The following BAG6 variants were observed in gnomAD, a reference collection of about 807,000 sequenced individuals.
BAG6 encodes the protein BAG cochaperone 6, also known as large proline-rich protein BAG6.
BAG6 carries 22 observed loss-of-function variants against 121.0 expected under a neutral mutation model. That is an observed-to-expected ratio of 0.18 (90% CI 0.13 to 0.26). The LOEUF (loss-of-function observed/expected upper bound fraction) is 0.26, where lower values mean the gene tolerates loss of function less well. Among genes scored for constraint, BAG6 ranks in the 10% least tolerant of loss-of-function variants. BAG6 has a pLI of 1.00. For missense variants in BAG6, 1,233 were observed against 1,537.7 expected, an observed-to-expected ratio of 0.80 and a Z score of 3.31; for synonymous variants, 583 against 584.6, an observed-to-expected ratio of 1.00 and a Z score of 0.04.
chr6:31,645,214 G>A lies in BAG6; in HGVS notation c.1117-16C>T, dbSNP rs774417499. On this transcript the variant is annotated splice_polypyrimidine_tract_variant and intron_variant, in intron 9 of 25. Coordinates refer to ENST00000676615, the MANE Select transcript of BAG6 (RefSeq NM_001387994.1). Reference sequence around the variant, plus strand: ...CCACATTGATCTGAAAAAGACAGATGGACAGGCAGATGTGAGAAAAATACA... The same window carrying A: ...CCACATTGATCTGAAAAAGACAGATAGACAGGCAGATGTGAGAAAAATACA... 2.5e-6 allele frequency: 4 copies of A among 1,604,164 alleles called. No homozygotes were observed. The highest frequency in any genetic ancestry group is 3.4e-6 in the Non-Finnish European group (4 of 1,175,732).
At position 31,649,490 on chromosome 6, in the gene BAG6, T is replaced by C; in HGVS notation, c.226+20A>G. On this transcript the variant is annotated intron_variant, in intron 3 of 25. Coordinates refer to ENST00000676615, the MANE Select transcript of BAG6 (RefSeq NM_001387994.1). ...CAGACAGTAGCCCCAACCTCTGAAC[T>C]GCCTCCCCAGCCCCCTTACTGTATT... The C allele has an allele frequency of 6.2e-7, 1 of 1,613,636 alleles. No individual in the cohort carries two copies. The highest frequency in any genetic ancestry group is 8.5e-7 in the Non-Finnish European group (1 of 1,179,510).
At chr6:31,647,534 T>C in intron 7 of BAG6, 57 bp downstream of exon 7, 1 of 1,596,652 alleles carries the variant, frequency 6.3e-7, no homozygotes, top group Non-Finnish European at 8.5e-7. Context: ...TTCATTTCCT[T>C]CTCCCCATAC....
Position 31,641,590 on chromosome 6 carries a change from C to T in BAG6, c.2508G>A (p.Met836Ile). 1 of 1,614,100 alleles carries T rather than the reference C, an allele frequency of 6.2e-7. No individual in the cohort carries two copies. The highest frequency in any genetic ancestry group is 8.5e-7 in the Non-Finnish European group (1 of 1,179,962). The change falls in exon 18 of 26, where the codon ATG (methionine) becomes ATA (isoleucine). Residue 836 changes from methionine (M) to isoleucine (I), a missense_variant and splice_region_variant. By Grantham distance (10) the Met-to-Ile change is conservative. Coordinates refer to ENST00000676615, the MANE Select transcript of BAG6 (RefSeq NM_001387994.1). This position sits in a 1 kb window ranked among gnomAD's most constrained non-coding sequence, Gnocchi z 5.7. ...GQEPTPSNIR[M>I]ATHTLITGLE... ...GCCCCGTGATCAATGTGTGGGTTGC[C>T]ATCTGTGGAGGAAACAGAACAGGTT...
intron 1 of BAG6, chr6:31,652,202 CCTAA>C (rs1797703515): frequency 5.5e-6 from 1 of 183,464 alleles, no homozygotes; most frequent in South Asian, 1.0e-4. Flanking sequence ...ATCGAACCCT[CCTAA>C]CTCACTATAG....
At chr6:31,649,068 T>C in intron 4 of BAG6, 104 bp from the exon 5 acceptor site, 1 of 1,493,394 alleles carries the variant, frequency 6.7e-7, no homozygotes, top group Non-Finnish European at 9.1e-7. Flanking sequence ...CCTTAAAGAC[T>C]GAGACCAATA....
At chr6:31,639,681 C>T in intron 24 of BAG6, 35 bp from the exon 25 acceptor site, 1 of 1,582,738 alleles carries the variant, frequency 6.3e-7, no homozygotes, top group African/African-American at 1.3e-5. Context: ...AAAAGAGGAT[C>T]AACGTCAGAT....
At position 31,642,964 on chromosome 6, in the gene BAG6, C is replaced by G. The variant is rs1784424942; in HGVS notation, c.1908G>C (p.Gln636His). 1.9e-6 allele frequency: 3 copies of G among 1,604,088 alleles called. No homozygotes were observed. The highest frequency in any genetic ancestry group is 2.7e-5 in the African/African-American group (2 of 74,850). Reference protein sequence around the residue: ...PTPQPSMADLQFSQLLGNLLG... With the variant: ...PTPQPSMADLHFSQLLGNLLG... ...GCAGGTTCCCCAGAAGCTGAGAGAA[C>G]TGAAGATCAGCCATGGAGGGTTGAG... The change falls in exon 15 of 26, where the codon CAG (glutamine) becomes CAC (histidine). Residue 636 changes from glutamine to histidine, a missense_variant. Around this residue, in one of 7 missense-constraint regions of BAG6, gnomAD observed 777 missense variants for 861.4 expected, o/e 0.90. Coordinates refer to ENST00000676615, the MANE Select transcript of BAG6 (RefSeq NM_001387994.1).
rs973420685 is a variant in BAG6 at position 31,639,582 on chromosome 6, G to A, written c.3311C>T (p.Ala1104Val). Residue 1104 changes from alanine to valine, a missense_variant, in exon 25 of 26, where the codon GCC (alanine) becomes GTC (valine). Physicochemically the swap from Ala to Val is moderately conservative, Grantham distance 64. Around this residue, in one of 7 missense-constraint regions of BAG6, gnomAD observed 102 missense variants for 103.2 expected, o/e 0.99. Transcript: ENST00000676615. ...GGGGCTCGTCAGGGGCCGAGCTCCG[G>A]CTGCCTTAGCTGCCCGGCTCACAGC... ...SEAVSRAAKA[A>V]GARPLTSPES... 1 of 1,613,900 alleles carries A rather than the reference G, an allele frequency of 6.2e-7. No individual in the cohort carries two copies. Among genetic ancestry groups the A allele is most frequent in the Non-Finnish European group, 8.5e-7 (1 of 1,179,940 alleles).
chr6:31,648,798 G>A (rs1793123723), intron 5 of BAG6, 47 bp from the exon 6 acceptor site: 4 of 1,610,634 alleles, frequency 2.5e-6, no homozygotes, highest in Non-Finnish European at 3.4e-6. Flanking sequence ...ATGAAGCCAT[G>A]AGTTCTACCA....
In BAG6 at chr6:31,640,728, C is replaced by T. The variant is rs1183968279; in HGVS notation, c.2935-24G>A. On this transcript the variant is annotated intron_variant, in intron 21 of 25. Coordinates refer to ENST00000676615, the MANE Select transcript of BAG6 (RefSeq NM_001387994.1). The surrounding 1 kb of genome is among the most constrained non-coding windows in gnomAD (Gnocchi z 4.2). Reference sequence around the variant, plus strand: ...GGCTGTGAAATTAAAGAACACCATACTTCCTCTCAGATCTCTCCAGTTCTC... The same window carrying T: ...GGCTGTGAAATTAAAGAACACCATATTTCCTCTCAGATCTCTCCAGTTCTC... The T allele has an allele frequency of 1.2e-6, 2 of 1,613,020 alleles. No homozygotes were observed.
intron 8 of BAG6, among the ~76,000 whole-genome samples, chr6:31,646,078 C>T (rs1347625902): frequency 2.0e-5 from 3 of 152,190 alleles, no homozygotes; most frequent in African/African-American, 4.8e-5. Context: ...CCCCTCCTCC[C>T]GAGTTCTAGC....
At chr6:31,650,001 T>C (rs1165254819) in intron 2 of BAG6, among the ~76,000 whole-genome samples, 1 of 152,030 alleles carries the variant, frequency 6.6e-6, no homozygotes, top group Non-Finnish European at 1.5e-5. Flanking sequence ...CTAGGGAGGC[T>C]GAAGCAAGAG....
At position 31,642,891 on chromosome 6, in the gene BAG6, T is replaced by C; in HGVS notation, c.1981A>G (p.Thr661Ala). Residue 661 changes from threonine to alanine, a missense_variant, in exon 15 of 26, where the codon ACC (threonine) becomes GCC (alanine). Thr to Ala is a moderately conservative substitution (Grantham distance 58). Transcript: ENST00000676615. ...ACACCAGGCATCGCCACAGTGATGG[T>C]GGGAGAAGCCACACCAGACCCTCCA... ...GAGGSGVASP[T>A]ITVAMPGVPA... is the part of the protein sequence containing the mutation. 1 of 1,611,194 alleles carries C rather than the reference T, an allele frequency of 6.2e-7. No individual in the cohort carries two copies. Among genetic ancestry groups the C allele is most frequent in the Non-Finnish European group, 8.5e-7 (1 of 1,179,100 alleles).
intron 7 of BAG6, among the ~76,000 whole-genome samples, chr6:31,647,193 GCACCCAGC>G (rs1218674419): frequency 6.6e-6 from 1 of 152,122 alleles, no homozygotes; most frequent in Non-Finnish European, 1.5e-5. Context: ...ATGAGCCACT[GCACCCAGC>G]CAAAGCTTCT....
In BAG6 at chr6:31,649,233, T is replaced by C. The variant is rs141783392; in HGVS notation, c.389A>G (p.Asn130Ser). The C allele has an allele frequency of 3.7e-6, 6 of 1,612,944 alleles. No homozygotes were observed. The African/African-American group carries it at 4.0e-5, about 11-fold the overall frequency. The stretch of plus-strand genomic sequence containing the variant: ...GAAGGTTCCAACCATGACATAGCTG[T>C]TGGCATTCCGGTCATGAACAGAGGC... ...PGASVHDRNA[N>S]SYVMVGTFNL... is the part of the protein sequence containing the mutation. The change falls in exon 4 of 26, where the codon AAC becomes AGC. Residue 130 changes from asparagine to serine, a missense_variant. By Grantham distance (46) the Asn-to-Ser change is conservative. Around this residue, in one of 7 missense-constraint regions of BAG6, gnomAD observed 777 missense variants for 861.4 expected, o/e 0.90. Transcript: ENST00000676615.
Position 31,644,587 on chromosome 6 carries a change from G to C in BAG6, c.1385C>G (p.Pro462Arg). Reference protein sequence around the residue: ...HMNIQDSGTQPGGVPSAPTGP... With the variant: ...HMNIQDSGTQRGGVPSAPTGP... Reference sequence around the variant, plus strand: ...AGTGGGAGCACTCGGAACACCACCAGGCTGTGTGCCAGAATCTGGGCAGGG... The same window carrying C: ...AGTGGGAGCACTCGGAACACCACCACGCTGTGTGCCAGAATCTGGGCAGGG... Residue 462 changes from proline (P) to arginine (R), a missense_variant, in exon 11 of 26, where the codon CCT (proline) becomes CGT (arginine). Physicochemically the swap from Pro to Arg is moderately radical, Grantham distance 103. Coordinates refer to ENST00000676615, the MANE Select transcript of BAG6 (RefSeq NM_001387994.1). This position sits in a 1 kb window ranked among gnomAD's most constrained non-coding sequence, Gnocchi z 4.9. 6.2e-7 allele frequency: 1 copy of C among 1,612,778 alleles called. No homozygotes were observed. Among genetic ancestry groups the C allele is most frequent in the Non-Finnish European group, 8.5e-7 (1 of 1,179,940 alleles).
rs764484869 is a variant in BAG6 at position 31,642,227 on chromosome 6, G to A, written c.2220C>T (p.Ser740=). ...GAGCCCCCAGGGAGCCCAGCAGGGAGCTGAGCACACCCTGCACCACTGAGG... is the reference window on the plus strand; with the variant it reads ...GAGCCCCCAGGGAGCCCAGCAGGGAACTGAGCACACCCTGCACCACTGAGG... ...FFTSVVQGVL[S]SLLGSLGARA... Residue 740 remains serine, a synonymous_variant, in exon 16 of 26, where the codon AGC becomes AGT. Transcript: ENST00000676615. 2 of 1,612,844 alleles carry A rather than the reference G, an allele frequency of 1.2e-6. No individual in the cohort carries two copies. Among genetic ancestry groups the A allele is most frequent in the South Asian group, 1.1e-5 (1 of 91,076 alleles).
In BAG6 at chr6:31,651,764, G is replaced by C. The variant is rs149574693; in HGVS notation, c.-1C>G. On this transcript the variant is annotated 5_prime_UTR_variant, in exon 2 of 26. Coordinates refer to ENST00000676615, the MANE Select transcript of BAG6 (RefSeq NM_001387994.1). ...TACTGGTACTATCATTAGGCTCCAT[G>C]GCCGACAGGTCTCTAAAGAAGAACG... 6.2e-7 allele frequency: 1 copy of C among 1,612,722 alleles called. No individual in the cohort carries two copies. The highest frequency in any genetic ancestry group is 8.5e-7 in the Non-Finnish European group (1 of 1,179,748).
At position 31,644,893 on chromosome 6, in the gene BAG6, T is replaced by C; in HGVS notation, c.1369+53A>G. ...CACCCTGTTCCCTCACACCTCAGCA[T>C]GAACCTCCCTCATCATGCTGATCCT... On this transcript the variant is annotated intron_variant, in intron 10 of 25. Transcript: ENST00000676615. The surrounding 1 kb of genome is among the most constrained non-coding windows in gnomAD (Gnocchi z 4.9). 2 of 1,540,826 alleles carry C rather than the reference T, an allele frequency of 1.3e-6. No homozygotes were observed. Among genetic ancestry groups the C allele is most frequent in the Non-Finnish European group, 1.7e-6 (2 of 1,143,932 alleles).
Sources: gnomAD v4.1 joint callset for allele counts (sites outside exome capture counted in the v4.1 genomes callset) on GRCh38, gnomAD v4.1.1 for gene constraint, gnomAD v4.1.1 regional missense constraint, Gnocchi (gnomAD v3.1) non-coding constraint, MANE v1.5 for transcripts, NCBI Gene and HGNC (gene_info 2026-07-23, HGNC 2026-07-21) for gene names.